KCTD8: variants seen among roughly 807,000 people sequenced by gnomAD.
KCTD8 encodes the protein potassium channel tetramerization domain containing 8.
KCTD8 carries 27 observed loss-of-function variants against 31.5 expected under a neutral mutation model. The observed-to-expected ratio is 0.86, with a 90% CI of 0.63 to 1.18. The LOEUF (loss-of-function observed/expected upper bound fraction) is 1.18, where lower values mean the gene tolerates loss of function less well. Among genes scored for constraint, KCTD8 ranks in the 50% most tolerant of loss-of-function variants. The pLI, the probability that KCTD8 is intolerant of heterozygous loss-of-function variation, is 0.00. For missense variants in KCTD8, 658 were observed against 647.7 expected (o/e 1.02, Z -0.17); for synonymous variants, 290 against 280.0 (o/e 1.04, Z -0.36).
At chr4:44,327,442 T>G (rs909558941) in intron 1 of KCTD8, among the ~76,000 whole-genome samples, 13 of 151,952 alleles carry the variant, frequency 8.6e-5, no homozygotes, top group Admixed American at 1.3e-4. Flanking sequence ...TCTAACATGA[T>G]GTATGGAATA....
rs546991191 is a variant in KCTD8, at chr4:44,184,059, G to C, written c.962-8809C>G. Among the ~76,000 whole-genome samples, 8 of 151,886 alleles carry C rather than the reference G, an allele frequency of 5.3e-5. No homozygotes were observed. In the South Asian group the frequency reaches 1.5e-3, roughly 28 times the overall value. The stretch of plus-strand genomic sequence containing the variant: ...AGGCATAGTGTTAGCTACAAGGGTG[G>C]GGACACACACACATGTGCACACACA... On this transcript the variant is annotated intron_variant, in intron 1 of 1. Coordinates refer to ENST00000360029, the MANE Select transcript of KCTD8 (RefSeq NM_198353.3).
intron 1 of KCTD8, among the ~76,000 whole-genome samples, chr4:44,395,055 T>C (rs1395483307): frequency 6.6e-6 from 1 of 152,068 alleles, no homozygotes; most frequent in Non-Finnish European, 1.5e-5. Context: ...AGATTTCCCT[T>C]TGTAATGAAC....
At chr4:44,289,229 ATAT>A (rs1717196640) in intron 1 of KCTD8, among the ~76,000 whole-genome samples, 1 of 151,262 alleles carries the variant, frequency 6.6e-6, no homozygotes, top group Non-Finnish European at 1.5e-5. Context: ...ATAACATTAC[ATAT>A]TATTAAAATG....
At chr4:44,377,478 T>C (rs1227180159) in intron 1 of KCTD8, among the ~76,000 whole-genome samples, 4 of 152,118 alleles carry the variant, frequency 2.6e-5, no homozygotes, top group Non-Finnish European at 4.4e-5. Flanking sequence ...GGTAGAATTA[T>C]GGGGTCCTGA....
intron 1 of KCTD8, among the ~76,000 whole-genome samples, chr4:44,351,457 G>A (rs962185448): frequency 3.9e-5 from 6 of 151,930 alleles, no homozygotes; most frequent in Non-Finnish European, 8.8e-5. Flanking sequence ...CATTTTGGCC[G>A]TTTCTTCAGA....
chr4:44,446,465 C>T (rs529628637), intron 1 of KCTD8, among the ~76,000 whole-genome samples: 1 of 152,254 alleles, frequency 6.6e-6, no homozygotes, highest in South Asian at 2.1e-4. Context: ...TTGTCCAAAT[C>T]GCTCTCTAGT....
At chr4:44,389,184 TTAGA>T (rs1301040013) in intron 1 of KCTD8, among the ~76,000 whole-genome samples, 27 of 151,842 alleles carry the variant, frequency 1.8e-4, no homozygotes, top group African/African-American at 4.8e-4. Context: ...AAAAATATAG[TTAGA>T]TAGAATGAAT....
At chr4:44,437,775 A>G (rs1330392932) in intron 1 of KCTD8, among the ~76,000 whole-genome samples, 2 of 152,140 alleles carry the variant, frequency 1.3e-5, no homozygotes, top group African/African-American at 4.8e-5. Flanking sequence ...TTTTCTCCCT[A>G]AAGAACTGAG....
chr4:44,283,011 CA>C (rs1383943445), intron 1 of KCTD8, among the ~76,000 whole-genome samples: 2 of 148,672 alleles, frequency 1.3e-5, no homozygotes, highest in African/African-American at 5.0e-5. Context: ...AAAGTGGCTA[CA>C]AAAACAACAC....
At chr4:44,327,980 T>G (rs1001721269) in intron 1 of KCTD8, among the ~76,000 whole-genome samples, 1 of 151,928 alleles carries the variant, frequency 6.6e-6, no homozygotes, top group Non-Finnish European at 1.5e-5. Flanking sequence ...ATTTACATAC[T>G]CCTTGAAGCA....
intron 1 of KCTD8, among the ~76,000 whole-genome samples, chr4:44,210,471 G>C (rs766710091): frequency 2.6e-5 from 4 of 152,158 alleles, no homozygotes; most frequent in Admixed American, 6.5e-5. Flanking sequence ...TTATAAAACA[G>C]TTTGTTATAA....
At chr4:44,364,088 A>G (rs1719568869) in intron 1 of KCTD8, among the ~76,000 whole-genome samples, 1 of 152,148 alleles carries the variant, frequency 6.6e-6, no homozygotes, top group Admixed American at 6.5e-5. Context: ...AAACTTTATC[A>G]AAATCAAAAT....
At chr4:44,183,672 T>C (rs915129838) in intron 1 of KCTD8, among the ~76,000 whole-genome samples, 19 of 152,162 alleles carry the variant, frequency 1.2e-4, no homozygotes, top group African/African-American at 4.1e-4. Flanking sequence ...TGTGGGGATG[T>C]TTTTAAGAGT....
At chr4:44,312,347 A>T (rs1386531314) in intron 1 of KCTD8, among the ~76,000 whole-genome samples, 1 of 152,168 alleles carries the variant, frequency 6.6e-6, no homozygotes, top group East Asian at 1.9e-4. Flanking sequence ...TAGAAAGGGC[A>T]TTCAAGCCAG....
chr4:44,190,618 G>A (rs1486790573), intron 1 of KCTD8, among the ~76,000 whole-genome samples: 1 of 152,130 alleles, frequency 6.6e-6, no homozygotes, highest in Non-Finnish European at 1.5e-5. Context: ...TAATCTGGGT[G>A]ACTCAATAAC....
intron 1 of KCTD8, among the ~76,000 whole-genome samples, chr4:44,419,067 G>A: frequency 6.6e-6 from 1 of 152,018 alleles, no homozygotes; most frequent in Non-Finnish European, 1.5e-5. Flanking sequence ...GGAAAATGGT[G>A]GTAGCAGTGA....
intron 1 of KCTD8, among the ~76,000 whole-genome samples, chr4:44,365,832 G>C (rs1276539933): frequency 1.3e-5 from 2 of 152,236 alleles, no homozygotes; most frequent in East Asian, 3.9e-4. Context: ...ATACATTCAA[G>C]TCTTGTATAA....
At chr4:44,338,540 T>C (rs961083832) in intron 1 of KCTD8, among the ~76,000 whole-genome samples, 1 of 152,174 alleles carries the variant, frequency 6.6e-6, no homozygotes, top group South Asian at 2.1e-4. Context: ...TCTTAATAGG[T>C]AGTGCTACAT....
chr4:44,344,873 T>C (rs1462149904), intron 1 of KCTD8, among the ~76,000 whole-genome samples: 1 of 152,220 alleles, frequency 6.6e-6, no homozygotes, highest in Non-Finnish European at 1.5e-5. Flanking sequence ...ACCCTTTCTA[T>C]TAGGAACATA....
Sources: allele counts gnomAD v4.1 joint callset (sites outside exome capture counted in the v4.1 genomes callset), GRCh38; gene constraint gnomAD v4.1.1; transcripts MANE v1.5; gene names NCBI Gene and HGNC (gene_info 2026-07-23, HGNC 2026-07-21).